The following ELSPBP1 variants were observed in gnomAD, a reference collection of about 807,000 sequenced individuals.
ELSPBP1 encodes the protein epididymal sperm-binding protein 1.
ELSPBP1 carries 38 observed loss-of-function variants against 33.3 expected under a neutral mutation model. That is an observed-to-expected ratio of 1.14 (90% confidence interval 0.88 to 1.50). ELSPBP1 has a LOEUF of 1.50. Ranked by LOEUF, ELSPBP1 falls within the 40% of genes most tolerant of loss-of-function variation. ELSPBP1 has a pLI of 0.00. For synonymous variants in ELSPBP1, 85 were observed against 94.1 expected (o/e 0.90, Z 0.56); for missense variants, 267 against 263.5 (o/e 1.01, Z -0.09).
chr19:48,014,059 G>A (rs921190407), intron 2 of ELSPBP1, 112 bp from the exon 3 acceptor site: 10 of 1,271,736 alleles, frequency 7.9e-6, no homozygotes, highest in Admixed American at 3.9e-5. Context: ...TTGCGGCGGG[G>A]GCAGGGAGGG....
At chr19:48,019,435 T>C (rs1428996667) in intron 4 of ELSPBP1, among the ~76,000 whole-genome samples, 2 of 152,178 alleles carry the variant, frequency 1.3e-5, no homozygotes, top group Non-Finnish European at 2.9e-5. Context: ...TTCGCAACTC[T>C]TATCTTCCTG....
intron 1 of ELSPBP1, among the ~76,000 whole-genome samples, chr19:47,998,883 TAAACACACCGC>T (rs1966939371): frequency 1.3e-5 from 2 of 151,770 alleles, no homozygotes; most frequent in South Asian, 4.2e-4. Context: ...ACAAGTCCAG[TAAACACACCGC>T]GCATGCTCAC....
intron 1 of ELSPBP1, among the ~76,000 whole-genome samples, chr19:48,002,793 A>AAAAC (rs71334249): frequency 0.55 from 82,910 of 151,616 alleles, 23,119 homozygotes; most frequent in Admixed American, 0.6. Flanking sequence ...CTTCATCTCA[A>AAAAC]AAACAAACAA....
intron 1 of ELSPBP1, among the ~76,000 whole-genome samples, chr19:47,996,308 T>C (rs536607070): frequency 1.3e-5 from 2 of 152,244 alleles, no homozygotes; most frequent in Admixed American, 1.3e-4. Context: ...GCAGAAATCA[T>C]GTATGGTTCC....
At chr19:48,000,522 T>C (rs2122290795) in intron 1 of ELSPBP1, among the ~76,000 whole-genome samples, 1 of 152,278 alleles carries the variant, frequency 6.6e-6, no homozygotes, top group East Asian at 1.9e-4. Flanking sequence ...TACATTCATT[T>C]CATTATTAAA....
At chr19:48,016,836 T>A (rs1967147677) in intron 4 of ELSPBP1, among the ~76,000 whole-genome samples, 1 of 151,988 alleles carries the variant, frequency 6.6e-6, no homozygotes, top group Non-Finnish European at 1.5e-5. Flanking sequence ...TGGTCTCAGG[T>A]GATCCATCCG....
In ELSPBP1 at chr19:48,014,156, C is replaced by T. The variant is rs1346060111; in HGVS notation, c.71-15C>T. On this transcript the variant is annotated splice_polypyrimidine_tract_variant and intron_variant, in intron 2 of 6. Transcript: ENST00000339841. Reference sequence around the variant, plus strand: ...TGATTCTTCCCCACTCCTGTTTTCTCCTTCTGCCCTTCAGGGATGCATGAG... The same window carrying T: ...TGATTCTTCCCCACTCCTGTTTTCTTCTTCTGCCCTTCAGGGATGCATGAG... 1 of 1,611,618 alleles carries T rather than the reference C, an allele frequency of 6.2e-7. No homozygotes were observed. The highest frequency in any genetic ancestry group is 1.7e-5 in the Admixed American group (1 of 59,854).
rs1403606471 is a variant in ELSPBP1 at position 48,016,159 on chromosome 19, A to G, written c.355+120A>G. 12 of 1,208,460 alleles carry G rather than the reference A, an allele frequency of 9.9e-6. No individual in the cohort carries two copies. The East Asian group carries it at 2.8e-4, about 29-fold the overall frequency. The allele number at this position is 1,208,460 out of a possible 1,614,324, so 74.9% of individuals were successfully genotyped here. A position where few individuals can be genotyped will look rare whatever the true frequency, so the allele number is the denominator to read the frequency against. On this transcript the variant is annotated intron_variant, in intron 4 of 6. Coordinates refer to ENST00000339841, the MANE Select transcript of ELSPBP1 (RefSeq NM_022142.5). ...GCACCCAGGGGGAAGTACTTACAGG[A>G]GCCAAGTGTCTGCTCAGAGAGTTCG...
In ELSPBP1 at chr19:48,022,298, G is replaced by A. The variant is rs6509358; in HGVS notation, c.643G>A (p.Asp215Asn). 10,831 of 1,612,804 alleles carry A rather than the reference G, an allele frequency of 6.7e-3. 621 individuals are homozygous for A. The African/African-American group carries it at 0.13, about 19-fold the overall frequency. ...GTGGTGTGCAACTTCTTACAACTAC[G>A]ACCAAGACCACACCTGGGTGTATTG... is the stretch of plus-strand genomic sequence containing the variant. ...LVWCATSYNY[D>N]QDHTWVYC The change falls in exon 6 of 7, where the codon GAC becomes AAC. Residue 215 changes from aspartate to asparagine, a missense_variant. Transcript: ENST00000339841.
chr19:48,022,238 A>G lies in ELSPBP1; in HGVS notation c.583A>G (p.Asn195Asp). ...CAACTATAAAAACAAGAATTATTTT[A>G]ACTGCACTAACGAAGGATCAAAGGA... is the stretch of plus-strand genomic sequence containing the variant. ...PFNYKNKNYFNCTNEGSKENL... is the reference protein window; with the variant it reads ...PFNYKNKNYFDCTNEGSKENL... The change falls in exon 6 of 7, where the codon AAC (asparagine) becomes GAC (aspartate). Residue 195 changes from asparagine to aspartate, a missense_variant. Transcript: ENST00000339841. 6.2e-7 allele frequency: 1 copy of G among 1,613,964 alleles called. No individual in the cohort carries two copies. The highest frequency in any genetic ancestry group is 8.5e-7 in the Non-Finnish European group (1 of 1,179,914).
At chr19:48,001,889 G>T (rs1000836198) in intron 1 of ELSPBP1, among the ~76,000 whole-genome samples, 1 of 151,838 alleles carries the variant, frequency 6.6e-6, no homozygotes, top group African/African-American at 2.4e-5. Context: ...TAGATACGAG[G>T]TCTCACTATG....
intron 1 of ELSPBP1, among the ~76,000 whole-genome samples, chr19:47,996,093 A>G (rs1966909624): frequency 6.6e-6 from 1 of 152,150 alleles, no homozygotes; most frequent in Admixed American, 6.6e-5. Context: ...TCCTCTTGGT[A>G]CCCACCACAT....
intron 6 of ELSPBP1, among the ~76,000 whole-genome samples, chr19:48,023,352 AGAAG>A (rs1367703464): frequency 7.7e-4 from 86 of 111,070 alleles, no homozygotes; most frequent in Non-Finnish European, 1.1e-3. Context: ...GAGGAAGGAA[AGAAG>A]GAAGGGAGGA....
intron 1 of ELSPBP1, among the ~76,000 whole-genome samples, chr19:47,997,622 T>C (rs1966923998): frequency 6.6e-6 from 1 of 152,200 alleles, no homozygotes; most frequent in Non-Finnish European, 1.5e-5. Context: ...TGTCCCACTC[T>C]GTTGTCCAGG....
intron 4 of ELSPBP1, among the ~76,000 whole-genome samples, chr19:48,018,597 T>C (rs2386984): frequency 0.74 from 113,229 of 152,092 alleles, 42,410 homozygotes; most frequent in East Asian, 0.94. Flanking sequence ...TTCCATACAA[T>C]AATCTCTATC....
In ELSPBP1 at chr19:48,022,191, G is replaced by T. The variant is rs1967208326; in HGVS notation, c.536G>T (p.Gly179Val). 5.0e-6 allele frequency: 8 copies of T among 1,612,818 alleles called. No individual in the cohort carries two copies. The highest frequency in any genetic ancestry group is 8.5e-7 in the Non-Finnish European group (1 of 1,179,552). ...CTAGGAATTTCCGCGTTGGTCCCTG[G>T]CTTTCCTTGTCACTTTCCGTTCAAC... ...ADTRISALVP[G>V]FPCHFPFNYK... is the part of the protein sequence containing the mutation. The change falls in exon 6 of 7, where the codon GGC becomes GTC. Residue 179 changes from glycine to valine, a missense_variant. Transcript: ENST00000339841.
Position 48,014,265 on chromosome 19 carries a change from C to A in ELSPBP1, c.165C>A (p.Thr55=), listed in dbSNP as rs141635603. The A allele has an allele frequency of 1.2e-5, 19 of 1,614,044 alleles. No homozygotes were observed. The highest frequency in any genetic ancestry group is 1.6e-5 in the Non-Finnish European group (19 of 1,179,992). The change falls in exon 3 of 7, where the codon ACC becomes ACA. Residue 55 remains threonine (T), a synonymous_variant. Coordinates refer to ENST00000339841, the MANE Select transcript of ELSPBP1 (RefSeq NM_022142.5). The part of the protein sequence containing the change: ...HIHSLSPWCA[T]RAVYNGQWKY... Reference sequence around the variant, plus strand: ...ATAGCTTATCCCCTTGGTGTGCCACCAGAGCCGTGTACAACGGCCAGTGGA... The same window carrying A: ...ATAGCTTATCCCCTTGGTGTGCCACAAGAGCCGTGTACAACGGCCAGTGGA...
At position 48,015,882 on chromosome 19, in the gene ELSPBP1, G is replaced by A. The variant is rs779123041; in HGVS notation, c.209-11G>A. On this transcript the variant is annotated splice_polypyrimidine_tract_variant and intron_variant, in intron 3 of 6. Coordinates refer to ENST00000339841, the MANE Select transcript of ELSPBP1 (RefSeq NM_022142.5). ...GGAAGTTAAGACACTCACGAACTCT[G>A]TTCCTAACAGATTACCCACGCTGTA... 6.2e-7 allele frequency: 1 copy of A among 1,603,146 alleles called. No homozygotes were observed. The highest frequency in any genetic ancestry group is 1.7e-5 in the Admixed American group (1 of 59,822).
chr19:48,012,490 G>T (rs1308663697), intron 2 of ELSPBP1, among the ~76,000 whole-genome samples: 1 of 152,042 alleles, frequency 6.6e-6, no homozygotes. Context: ...AAAAAAGAAG[G>T]ACAACTCGAT....
Sources: gnomAD v4.1 joint callset for allele counts (sites outside exome capture counted in the v4.1 genomes callset) on GRCh38, gnomAD v4.1.1 for gene constraint, MANE v1.5 for transcripts, NCBI Gene and HGNC (gene_info 2026-07-23, HGNC 2026-07-21) for gene names.